ASIC2: variants seen among roughly 807,000 people sequenced by gnomAD.
ASIC2 encodes the protein acid sensing ion channel subunit 2, also known as acid-sensing ion channel 2.
ASIC2 carries 25 observed loss-of-function variants against 57.3 expected under a neutral mutation model. The observed-to-expected ratio is 0.44, with a 90% CI of 0.32 to 0.61. ASIC2 has a LOEUF of 0.61. Ranked by LOEUF, ASIC2 falls within the 20% of genes least tolerant of loss-of-function variation. ASIC2 has a pLI of 0.06. For synonymous variants in ASIC2, 319 were observed against 307.5 expected, an observed-to-expected ratio of 1.04 and a Z score of -0.39; for missense variants, 641 against 738.1, an observed-to-expected ratio of 0.87 and a Z score of 1.52.
chr17:33,840,402 G>C (rs1913398254), intron 1 of ASIC2, among the ~76,000 whole-genome samples: 1 of 152,152 alleles, frequency 6.6e-6, no homozygotes, highest in South Asian at 2.1e-4. Context: ...AGACGCTTCA[G>C]GCATGGGAAA....
chr17:33,772,307 G>C (rs769090050), intron 1 of ASIC2, among the ~76,000 whole-genome samples: 4 of 152,188 alleles, frequency 2.6e-5, no homozygotes, highest in Admixed American at 2.0e-4. Flanking sequence ...CAGCCTTGCT[G>C]GGTTTTCCTA....
chr17:33,553,990 G>C (rs988176830), intron 1 of ASIC2, among the ~76,000 whole-genome samples: 4 of 152,166 alleles, frequency 2.6e-5, no homozygotes, highest in Admixed American at 6.5e-5. Flanking sequence ...CTTCCTAGGT[G>C]CAATTCAAGC....
At chr17:33,268,404 T>C (rs891236287) in intron 1 of ASIC2, among the ~76,000 whole-genome samples, 1 of 152,118 alleles carries the variant, frequency 6.6e-6, no homozygotes, top group African/African-American at 2.4e-5. Context: ...TATACATTTA[T>C]CCATTCATCT....
chr17:33,464,479 TCTCTC>T (rs776621509), intron 1 of ASIC2, among the ~76,000 whole-genome samples: 1 of 81,058 alleles, frequency 1.2e-5, no homozygotes, highest in African/African-American at 5.2e-5. Flanking sequence ...TTCTTTCTTT[TCTCTC>T]TTTCTTTCTT....
chr17:33,423,082 AC>A (rs1342282929), intron 1 of ASIC2, among the ~76,000 whole-genome samples: 2 of 152,026 alleles, frequency 1.3e-5, no homozygotes, highest in Non-Finnish European at 2.9e-5. Context: ...CAGATATCAC[AC>A]TGTTGGGGGC....
intron 1 of ASIC2, among the ~76,000 whole-genome samples, chr17:33,150,724 C>T (rs1904753904): frequency 1.3e-5 from 1 of 75,514 alleles, no homozygotes; most frequent in Non-Finnish European, 2.7e-5. Context: ...GTGGCGGGCG[C>T]CTGTAGTCCC....
intron 1 of ASIC2, among the ~76,000 whole-genome samples, chr17:33,845,299 A>G (rs545498261): frequency 3.9e-5 from 6 of 152,244 alleles, no homozygotes; most frequent in East Asian, 3.9e-4. Context: ...CGTACCTCCA[A>G]ATTTATCATG....
At chr17:33,050,316 C>T (rs116788753) in intron 3 of ASIC2, among the ~76,000 whole-genome samples, 355 of 152,260 alleles carry the variant, frequency 2.3e-3, no homozygotes, top group Middle Eastern at 6.8e-3. Context: ...AACGTATTGG[C>T]GGCATCCCTT....
intron 1 of ASIC2, among the ~76,000 whole-genome samples, chr17:33,909,246 G>A: frequency 6.6e-6 from 1 of 152,196 alleles, no homozygotes; most frequent in Non-Finnish European, 1.5e-5. Context: ...GAGCTGTGGG[G>A]ATGTAAGGCA....
At chr17:33,978,259 T>A (rs1253688591) in intron 1 of ASIC2, among the ~76,000 whole-genome samples, 1 of 152,158 alleles carries the variant, frequency 6.6e-6, no homozygotes, top group Non-Finnish European at 1.5e-5. Flanking sequence ...TTTGTCCCAA[T>A]GTTTCCGTGA....
At chr17:33,784,863 A>T (rs1270272457) in intron 1 of ASIC2, among the ~76,000 whole-genome samples, 2 of 152,156 alleles carry the variant, frequency 1.3e-5, no homozygotes, top group African/African-American at 4.8e-5. Context: ...GCAGGACCTT[A>T]TGACATGCCT....
intron 1 of ASIC2, among the ~76,000 whole-genome samples, chr17:33,433,611 G>T (rs2036536): frequency 6.6e-6 from 1 of 151,890 alleles, no homozygotes; most frequent in African/African-American, 2.4e-5. Flanking sequence ...TTAGTGGGGC[G>T]TGGTGGTGTG....
chr17:33,864,329 T>C (rs1183160725), intron 1 of ASIC2, among the ~76,000 whole-genome samples: 1 of 152,184 alleles, frequency 6.6e-6, no homozygotes, highest in Non-Finnish European at 1.5e-5. Context: ...GTATAAATAA[T>C]AGCGTAGGAA....
chr17:33,629,865 T>C (rs990598503), intron 1 of ASIC2, among the ~76,000 whole-genome samples: 5 of 152,192 alleles, frequency 3.3e-5, no homozygotes, highest in African/African-American at 1.2e-4. Flanking sequence ...AGGATGATTA[T>C]GCCAATGGAA....
At chr17:33,529,918 A>G (rs1460566908) in intron 1 of ASIC2, 3 of 152,140 alleles carry the variant, frequency 2.0e-5, no homozygotes, top group Non-Finnish European at 2.9e-5. Context: ...CCGGCTCGCT[A>G]CTCATCCATC....
chr17:34,031,830 C>G (rs796355263), intron 1 of ASIC2, among the ~76,000 whole-genome samples: 12 of 152,234 alleles, frequency 7.9e-5, no homozygotes, highest in African/African-American at 2.9e-4. Context: ...TAAAAAGAAA[C>G]AAACAAAGCC....
intron 1 of ASIC2, among the ~76,000 whole-genome samples, chr17:33,582,858 A>T (rs1305753709): frequency 6.6e-6 from 1 of 152,080 alleles, no homozygotes; most frequent in African/African-American, 2.4e-5. Flanking sequence ...TATTTTAAAA[A>T]CCTCTGTCAT....
At chr17:33,760,620 T>C (rs2701477) in intron 1 of ASIC2, among the ~76,000 whole-genome samples, 51,516 of 151,800 alleles carry the variant, frequency 0.34, 10,656 homozygotes, top group Non-Finnish European at 0.49. Flanking sequence ...TATATATATA[T>C]ACATACACAC....
At chr17:33,637,234 A>G (rs560497813) in intron 1 of ASIC2, among the ~76,000 whole-genome samples, 1 of 152,044 alleles carries the variant, frequency 6.6e-6, no homozygotes, top group East Asian at 1.9e-4. Flanking sequence ...GTTTCTCCCT[A>G]CCTGCCTGTA....
Sources: allele counts gnomAD v4.1 joint callset (sites outside exome capture counted in the v4.1 genomes callset), GRCh38; gene constraint gnomAD v4.1.1; transcripts MANE v1.5; gene names NCBI Gene and HGNC (gene_info 2026-07-23, HGNC 2026-07-21).